Variants in SLC35F4 observed in about 807,000 individuals in gnomAD.
The protein encoded by SLC35F4 is solute carrier family 35 member F4.
In SLC35F4, 24 loss-of-function variants were observed where a neutral mutation model predicts 44.2. The observed-to-expected ratio is 0.54, with a 90% CI of 0.39 to 0.76. The LOEUF (loss-of-function observed/expected upper bound fraction) is 0.76, where lower values mean the gene tolerates loss of function less well. Among genes scored for constraint, SLC35F4 ranks in the 30% least tolerant of loss-of-function variants. The pLI is 0.00. For synonymous variants in SLC35F4, 238 were observed against 223.6 expected (o/e 1.06, Z -0.57); for missense variants, 562 against 586.1 (o/e 0.96, Z 0.42).
chr14:57,753,420 A>G (rs759728399), intron 1 of SLC35F4, among the ~76,000 whole-genome samples: 6 of 152,102 alleles, frequency 3.9e-5, no homozygotes, highest in Non-Finnish European at 5.9e-5. Flanking sequence ...AGGGAGTAGT[A>G]GGGTCCTCAG....
At chr14:57,586,621 G>A (rs967451577) in intron 3 of SLC35F4, among the ~76,000 whole-genome samples, 11 of 148,760 alleles carry the variant, frequency 7.4e-5, no homozygotes, top group Admixed American at 6.1e-4. Flanking sequence ...AGGAGGCTAA[G>A]GCAGGAGAAT....
chr14:57,637,796 C>T (rs1018095232), intron 1 of SLC35F4, among the ~76,000 whole-genome samples: 2 of 151,978 alleles, frequency 1.3e-5, no homozygotes, highest in Non-Finnish European at 2.9e-5. Context: ...AAATCCTAAT[C>T]CCCTCAGCTG....
chr14:57,581,283 G>C lies in SLC35F4; in HGVS notation c.738C>G (p.Phe246Leu). 4 of 1,613,276 alleles carry C rather than the reference G, an allele frequency of 2.5e-6. No homozygotes were observed. Among genetic ancestry groups the C allele is most frequent in the Non-Finnish European group, 3.4e-6 (4 of 1,179,640 alleles). ...AGAAGACAAAGGCTTTGTTACAACA[G>C]AACAGAGCGGAGACATCCGTGGCCG... ...KLTATDVSALFCCNKAFVFLL... is the reference protein window; with the variant it reads ...KLTATDVSALLCCNKAFVFLL... The change falls in exon 4 of 8, where the codon TTC (phenylalanine) becomes TTG (leucine). Residue 246 changes from phenylalanine to leucine, a missense_variant. Phe to Leu is a conservative substitution (Grantham distance 22). Transcript: ENST00000556826.
At chr14:57,711,282 T>C (rs1227693168) in intron 1 of SLC35F4, among the ~76,000 whole-genome samples, 2 of 152,178 alleles carry the variant, frequency 1.3e-5, no homozygotes, top group East Asian at 3.9e-4. Flanking sequence ...TCCGCCATGA[T>C]TGTAAGTTCC....
intron 6 of SLC35F4, 57 bp from the exon 7 acceptor site, chr14:57,566,621 T>G (rs1480480321): frequency 6.7e-7 from 1 of 1,482,464 alleles, no homozygotes; most frequent in African/African-American, 1.4e-5. Context: ...TGGACTTTTT[T>G]CTCCTTATAG....
intron 1 of SLC35F4, among the ~76,000 whole-genome samples, chr14:57,838,684 T>A (rs1364408845): frequency 1.3e-5 from 2 of 152,134 alleles, no homozygotes; most frequent in Non-Finnish European, 1.5e-5. Context: ...TAGCACGTGA[T>A]CAAGTGCCAA....
intron 1 of SLC35F4, among the ~76,000 whole-genome samples, chr14:57,782,265 T>G (rs549196596): frequency 6.6e-6 from 1 of 151,650 alleles, no homozygotes; most frequent in African/African-American, 2.4e-5. Context: ...CAATAATGAG[T>G]TTGAACTTCA....
intron 1 of SLC35F4, among the ~76,000 whole-genome samples, chr14:57,957,106 C>A (rs11851894): frequency 0.13 from 19,984 of 152,024 alleles, 1,590 homozygotes; most frequent in East Asian, 0.36. Context: ...AATACTATGC[C>A]GCCATAAAAA....
In SLC35F4 at chr14:57,681,282, T is replaced by C. The variant is rs183819902; in HGVS notation, c.104-87158A>G. ...AACAAGCAATGGGGAAAGGATTCCCTATTTAATAAATGGTGTTGGGAAAAC... is the reference window on the plus strand; with the variant it reads ...AACAAGCAATGGGGAAAGGATTCCCCATTTAATAAATGGTGTTGGGAAAAC... On this transcript the variant is annotated intron_variant, in intron 1 of 7. Transcript: ENST00000556826. Among the ~76,000 whole-genome samples, 468 of 148,692 alleles carry C rather than the reference T, an allele frequency of 3.1e-3. 1 individual carries two copies. The highest frequency in any genetic ancestry group is 5.5e-3 in the Non-Finnish European group (372 of 68,004).
At chr14:57,878,977 T>TA (rs1433805794) in intron 1 of SLC35F4, among the ~76,000 whole-genome samples, 16 of 152,196 alleles carry the variant, frequency 1.1e-4, no homozygotes, top group Non-Finnish European at 2.4e-4. Context: ...AAACCAGCAC[T>TA]TGGGCCCATA....
chr14:57,908,206 G>T (rs1438563682), intron 1 of SLC35F4, among the ~76,000 whole-genome samples: 1 of 152,074 alleles, frequency 6.6e-6, no homozygotes, highest in Non-Finnish European at 1.5e-5. Flanking sequence ...TGGGCATTTG[G>T]GTTGATTCCA....
intron 1 of SLC35F4, among the ~76,000 whole-genome samples, chr14:57,731,495 G>C (rs760914124): frequency 4.6e-5 from 7 of 152,116 alleles, no homozygotes; most frequent in Non-Finnish European, 1.0e-4. Context: ...TCTTTTGCCA[G>C]AGCCTTTTTC....
At chr14:57,834,285 A>G (rs12184986) in intron 1 of SLC35F4, among the ~76,000 whole-genome samples, 28,035 of 152,204 alleles carry the variant, frequency 0.18, 2,799 homozygotes, top group Admixed American at 0.28. Flanking sequence ...AAGATTTTGC[A>G]CTTCACTGAA....
chr14:57,661,896 G>A (rs550691361), intron 1 of SLC35F4, among the ~76,000 whole-genome samples: 77 of 152,282 alleles, frequency 5.1e-4, no homozygotes, highest in African/African-American at 1.8e-3. Flanking sequence ...CTCCTCTGAG[G>A]TTTAGATTTA....
At chr14:57,733,601 C>A (rs2140481066) in intron 1 of SLC35F4, among the ~76,000 whole-genome samples, 1 of 151,442 alleles carries the variant, frequency 6.6e-6, no homozygotes, top group South Asian at 2.1e-4. Flanking sequence ...TATTGAAAAG[C>A]ACTGGTACCT....
chr14:57,747,013 C>T (rs2140539947), intron 1 of SLC35F4, among the ~76,000 whole-genome samples: 1 of 152,240 alleles, frequency 6.6e-6, no homozygotes, highest in African/African-American at 2.4e-5. Context: ...TGAGATAGTT[C>T]ACTTTTTCTA....
At chr14:57,636,284 T>A (rs752551880) in intron 1 of SLC35F4, among the ~76,000 whole-genome samples, 2 of 152,164 alleles carry the variant, frequency 1.3e-5, no homozygotes, top group Non-Finnish European at 2.9e-5. Context: ...TTACTAAACA[T>A]GTAGACCTTA....
chr14:57,891,253 C>T (rs991993283), intron 1 of SLC35F4, among the ~76,000 whole-genome samples: 1 of 152,170 alleles, frequency 6.6e-6, no homozygotes, highest in African/African-American at 2.4e-5. Context: ...TATATTCACT[C>T]ATTCAGTGAA....
rs1019546161 is a variant in SLC35F4 at position 57,599,822 on chromosome 14, A to C, written c.104-5698T>G. Among the ~76,000 whole-genome samples, 16 of 150,364 alleles carry C rather than the reference A, an allele frequency of 1.1e-4. 1 individual carries two copies. The highest frequency in any genetic ancestry group is 2.0e-4 in the Admixed American group (3 of 15,128). ...GTCTTGAAAAAAAAAAAAAAAAACA[A>C]CACCAGAATTTGGAAGGAGAGGGAG... On this transcript the variant is annotated intron_variant, in intron 1 of 7. Transcript: ENST00000556826.
Sources: allele counts gnomAD v4.1 joint callset (sites outside exome capture counted in the v4.1 genomes callset), GRCh38; gene constraint gnomAD v4.1.1; transcripts MANE v1.5; gene names NCBI Gene and HGNC (gene_info 2026-07-23, HGNC 2026-07-21).